Variants in RADIL observed in about 807,000 individuals in gnomAD.
RADIL encodes the protein ras-associating and dilute domain-containing protein.
Under a neutral mutation model 97.6 loss-of-function variants are expected in RADIL, and 99 were observed. The observed-to-expected ratio is 1.01, with a 90% CI of 0.86 to 1.20. RADIL has a LOEUF of 1.20. Ranked by LOEUF, RADIL falls within the 50% of genes most tolerant of loss-of-function variation. RADIL has a pLI of 0.00. For synonymous variants in RADIL, 803 were observed against 691.8 expected, an observed-to-expected ratio of 1.16 and a Z score of -2.52; for missense variants, 1,765 against 1,498.9, an observed-to-expected ratio of 1.18 and a Z score of -2.93.
chr7:4,810,418 C>A (rs116460753), intron 9 of RADIL, among the ~76,000 whole-genome samples: 2,162 of 152,300 alleles, frequency 0.014, 50 homozygotes, highest in African/African-American at 0.049. Context: ...ATCCTCCTGC[C>A]TCGGCCTCCC....
At chr7:4,861,900 C>A in intron 2 of RADIL, 1 of 739,974 alleles carries the variant, frequency 1.4e-6, no homozygotes, top group Non-Finnish European at 1.9e-6. Flanking sequence ...GGCGGAAGGG[C>A]AGGGCTTCTA....
In RADIL at chr7:4,801,895, C is replaced by G; in HGVS notation, c.2600G>C (p.Arg867Pro). The change falls in exon 12 of 15, where the codon CGT becomes CCT. Residue 867 changes from arginine (R) to proline (P), a missense_variant. Arg to Pro is a moderately radical substitution (Grantham distance 103, BLOSUM62 -2). Transcript: ENST00000399583. ...GPAAREVAPE[R>P]TLPLRGAPWA... The stretch of plus-strand genomic sequence containing the variant: ...GGGAGCCCCCCTCAAGGGAAGAGTA[C>G]GCTCCGGGGCCACTTCCCGGGCTGC... The G allele has an allele frequency of 6.3e-7, 1 of 1,576,446 alleles. No individual in the cohort carries two copies. The highest frequency in any genetic ancestry group is 8.6e-7 in the Non-Finnish European group (1 of 1,161,714).
intron 9 of RADIL, chr7:4,811,343 T>C (rs888630700): frequency 3.9e-5 from 6 of 152,442 alleles, no homozygotes; most frequent in Admixed American, 2.0e-4. Context: ...AAGTTGTCCA[T>C]CTTTCATGCG....
intron 2 of RADIL, among the ~76,000 whole-genome samples, chr7:4,841,538 C>T (rs1220718722): frequency 2.0e-5 from 3 of 152,188 alleles, no homozygotes; most frequent in African/African-American, 7.2e-5. Context: ...TCTGTCAGTT[C>T]CTGCAGAGGA....
chr7:4,838,794 G>A (rs1371655251), intron 2 of RADIL, among the ~76,000 whole-genome samples: 2 of 152,248 alleles, frequency 1.3e-5, no homozygotes, highest in Non-Finnish European at 2.9e-5. Flanking sequence ...TCTGAGTGCA[G>A]GTGTGGGGGA....
At position 4,836,714 on chromosome 7, in the gene RADIL, G is replaced by A. The variant is rs1042808793; in HGVS notation, c.536-109C>T. The A allele has an allele frequency of 2.6e-5, 37 of 1,444,576 alleles. No homozygotes were observed. The African/African-American group carries it at 3.6e-4, about 14-fold the overall frequency. The allele number at this position is 1,444,576 out of a possible 1,614,324, so 89.5% of individuals were successfully genotyped here. On this transcript the variant is annotated intron_variant, in intron 2 of 14. Transcript: ENST00000399583. ...GCACTTTGGGAGGCCGAGGTGGGGG[G>A]ATCGCCTGAGGTCAGGAGCTCGAGA...
intron 2 of RADIL, among the ~76,000 whole-genome samples, chr7:4,876,145 T>C (rs1287442445): frequency 1.3e-5 from 2 of 151,754 alleles, no homozygotes; most frequent in South Asian, 2.1e-4. Context: ...TGCACCACCA[T>C]GCCTGGCTAA....
intron 12 of RADIL, among the ~76,000 whole-genome samples, chr7:4,800,602 C>T (rs962640763): frequency 1.3e-5 from 2 of 152,086 alleles, no homozygotes; most frequent in South Asian, 2.1e-4. Context: ...CAGGGACCCA[C>T]GCGGTTCTGT....
chr7:4,827,452 G>A (rs1282588734), intron 5 of RADIL, among the ~76,000 whole-genome samples: 1 of 151,572 alleles, frequency 6.6e-6, no homozygotes, highest in Non-Finnish European at 1.5e-5. Flanking sequence ...CAGAGGTCAG[G>A]CGATCAAGAC....
rs1339739026 is a variant in RADIL at position 4,849,360 on chromosome 7, C to T, written c.536-12755G>A. On this transcript the variant is annotated intron_variant, in intron 2 of 14. Transcript: ENST00000399583. This position sits in a 1 kb window ranked among gnomAD's most constrained non-coding sequence, Gnocchi z 5.4. ...TTAAGTGTACATAGTTTTCATTCTACTGCAAGAATGAATTAATGAATGAAT... is the reference window on the plus strand; with the variant it reads ...TTAAGTGTACATAGTTTTCATTCTATTGCAAGAATGAATTAATGAATGAAT... Among the ~76,000 whole-genome samples, 1 of 152,110 alleles carries T rather than the reference C, an allele frequency of 6.6e-6. No homozygotes were observed. The highest frequency in any genetic ancestry group is 1.5e-5 in the Non-Finnish European group (1 of 68,026).
chr7:4,840,091 C>CCT lies in RADIL; in HGVS notation c.536-3488_536-3487dup, dbSNP rs1783403550. ...ATAAAAATCACAGAAGTTTGAAAGG[C>CCT]CTCTTGCTCACGTGTGGCTTTGTGA... On this transcript the variant is annotated intron_variant, in intron 2 of 14. Coordinates refer to ENST00000399583, the MANE Select transcript of RADIL (RefSeq NM_018059.5). This position sits in a 1 kb window ranked among gnomAD's most constrained non-coding sequence, Gnocchi z 5.6. Among the ~76,000 whole-genome samples, 2 of 152,160 alleles carry CCT rather than the reference C, an allele frequency of 1.3e-5. No homozygotes were observed. The highest frequency in any genetic ancestry group is 1.5e-5 in the Non-Finnish European group (1 of 68,020).
At chr7:4,874,516 G>C (rs1489725140) in intron 2 of RADIL, among the ~76,000 whole-genome samples, 1 of 152,220 alleles carries the variant, frequency 6.6e-6, no homozygotes, top group African/African-American at 2.4e-5. Flanking sequence ...GCATGGCTGA[G>C]GGTCACAGGA....
chr7:4,871,454 C>T (rs980071208), intron 2 of RADIL, among the ~76,000 whole-genome samples: 4 of 152,218 alleles, frequency 2.6e-5, no homozygotes, highest in African/African-American at 9.6e-5. Context: ...TCGGGGAGGC[C>T]GAGTCCTGCT....
Position 4,822,831 on chromosome 7 carries a change from T to C in RADIL, c.1455-277A>G, listed in dbSNP as rs548914495. Among the ~76,000 whole-genome samples the C allele has an allele frequency of 1.3e-5, 2 of 152,116 alleles. No individual in the cohort carries two copies. The highest frequency in any genetic ancestry group is 2.9e-5 in the Non-Finnish European group (2 of 68,014). ...AACCTCGGTAAGTAGATGGCTTGCA[T>C]GTCTTCTCTTTTGGAATGAGATCAT... On this transcript the variant is annotated intron_variant, in intron 5 of 14. Coordinates refer to ENST00000399583, the MANE Select transcript of RADIL (RefSeq NM_018059.5). This position sits in a 1 kb window ranked among gnomAD's most constrained non-coding sequence, Gnocchi z 5.3.
chr7:4,817,186 C>T lies in RADIL; in HGVS notation c.1728+53G>A. On this transcript the variant is annotated intron_variant, in intron 7 of 14. Coordinates refer to ENST00000399583, the MANE Select transcript of RADIL (RefSeq NM_018059.5). The surrounding 1 kb of genome is among the most constrained non-coding windows in gnomAD (Gnocchi z 8.3). ...GAGAGCCACAGGCACAAGCTTGAGC[C>T]CCACTTGATCCCAGGAGCTGCCTGA... 1 of 1,507,252 alleles carries T rather than the reference C, an allele frequency of 6.6e-7. No individual in the cohort carries two copies. The highest frequency in any genetic ancestry group is 9.1e-7 in the Non-Finnish European group (1 of 1,096,102). 93.4% of individuals were successfully genotyped at this position (1,507,252 alleles called of 1,614,324 possible).
chr7:4,829,038 C>T (rs1418851041), intron 5 of RADIL, among the ~76,000 whole-genome samples: 1 of 152,200 alleles, frequency 6.6e-6, no homozygotes, highest in African/African-American at 2.4e-5. Context: ...CACTAGAACT[C>T]CAGCTGTCCT....
intron 1 of RADIL, chr7:4,882,327 C>A (rs1440222288): frequency 6.6e-6 from 1 of 152,292 alleles, no homozygotes; most frequent in African/African-American, 2.4e-5. Flanking sequence ...GTAACAAGAT[C>A]TGTTTTTCTG....
chr7:4,806,313 C>T (rs1339881731), intron 9 of RADIL, among the ~76,000 whole-genome samples: 2 of 151,630 alleles, frequency 1.3e-5, no homozygotes, highest in Non-Finnish European at 2.9e-5. Context: ...TTATGTCCAG[C>T]TCATTAGTTT....
At chr7:4,832,956 G>A (rs529360264) in intron 4 of RADIL, among the ~76,000 whole-genome samples, 19 of 152,214 alleles carry the variant, frequency 1.2e-4, no homozygotes, top group Admixed American at 6.5e-4. Flanking sequence ...CGGAGGCTTC[G>A]GATTCCCACA....
Sources: gnomAD v4.1 joint callset for allele counts (sites outside exome capture counted in the v4.1 genomes callset) on GRCh38, gnomAD v4.1.1 for gene constraint, Gnocchi (gnomAD v3.1) non-coding constraint, MANE v1.5 for transcripts, NCBI Gene and HGNC (gene_info 2026-07-23, HGNC 2026-07-21) for gene names.